Variants in KCP observed in about 807,000 individuals in gnomAD.
KCP encodes kielin/chordin-like protein.
Under a neutral mutation model 212.7 loss-of-function variants are expected in KCP, and 194 were observed. That is an observed-to-expected ratio of 0.91 (90% CI 0.81 to 1.03). The LOEUF (loss-of-function observed/expected upper bound fraction) is 1.03, where lower values mean the gene tolerates loss of function less well. Among genes scored for constraint, KCP ranks in the 50% least tolerant of loss-of-function variants. The probability of loss-of-function intolerance (pLI) is 0.00; values close to 1 mark genes in which losing one functional copy is unlikely to be tolerated. For missense variants in KCP, 2,080 were observed against 2,162.5 expected (o/e 0.96, Z 0.76); for synonymous variants, 833 against 865.3 (o/e 0.96, Z 0.65).
chr7:128,903,071 T>C (rs1445870874), intron 7 of KCP: 1 of 594,896 alleles, frequency 1.7e-6, no homozygotes, highest in Non-Finnish European at 3.0e-6. Context: ...TTTCTGGTCT[T>C]CCGTGGACAG....
At chr7:128,910,202 G>C (rs1795357244) in intron 1 of KCP, among the ~76,000 whole-genome samples, 1 of 152,182 alleles carries the variant, frequency 6.6e-6, no homozygotes, top group Admixed American at 6.5e-5. Context: ...AGCCTCCCCT[G>C]GCCCCGTGCC....
Position 128,892,710 on chromosome 7 carries a change from G to A in KCP, c.1505C>T (p.Pro502Leu). ...NGQNFTDADS[P>L]CHACHCQDGT... ...TACCTGACAGTGGCAGGCATGGCAA[G>A]GGCTGTCTGCATCCGTGAAGTTCTG... is the stretch of plus-strand genomic sequence containing the variant. Residue 502 changes from proline (P) to leucine (L), a missense_variant, in exon 15 of 40, where the codon CCT (proline) becomes CTT (leucine). Pro to Leu is a moderately conservative substitution (Grantham distance 98, BLOSUM62 -3). Transcript: ENST00000610776. 6.4e-7 allele frequency: 1 copy of A among 1,551,656 alleles called. No individual in the cohort carries two copies.
chr7:128,904,315 T>C lies in KCP; in HGVS notation c.572-177A>G, dbSNP rs559573175. 260 of 1,552,006 alleles carry C rather than the reference T, an allele frequency of 1.7e-4. No homozygotes were observed. In the East Asian group the frequency reaches 3.2e-3, roughly 19 times the overall value. On this transcript the variant is annotated intron_variant, in intron 5 of 39. Transcript: ENST00000610776. ...GGCAGATGGGGCAGCACTCCCCAGGTGGGGTGCAGCTCTCCAAGCAGTTGA... is the reference window on the plus strand; with the variant it reads ...GGCAGATGGGGCAGCACTCCCCAGGCGGGGTGCAGCTCTCCAAGCAGTTGA...
At chr7:128,899,225 G>T (rs778134333) in intron 8 of KCP, among the ~76,000 whole-genome samples, 1 of 152,074 alleles carries the variant, frequency 6.6e-6, no homozygotes, top group African/African-American at 2.4e-5. Flanking sequence ...AATTATAATT[G>T]TTATGTGAAA....
At chr7:128,903,695 G>A (rs2128950074) in intron 7 of KCP, 32 bp downstream of exon 7, 1 of 1,492,336 alleles carries the variant, frequency 6.7e-7, no homozygotes, top group South Asian at 1.3e-5. Context: ...ACCTACCTGT[G>A]GCTCTACCAG....
At chr7:128,890,303 C>T (rs575014804) in intron 21 of KCP, 40 bp downstream of exon 21, 386 of 1,551,466 alleles carry the variant, frequency 2.5e-4, no homozygotes, top group Non-Finnish European at 3.2e-4. Flanking sequence ...TCTGGTCTCC[C>T]GCATCCCACC....
At chr7:128,902,147 A>G (rs1038481865) in intron 8 of KCP, among the ~76,000 whole-genome samples, 1 of 152,178 alleles carries the variant, frequency 6.6e-6, no homozygotes, top group African/African-American at 2.4e-5. Flanking sequence ...CTCCTGCCTC[A>G]GCCTCCCAAG....
At chr7:128,897,931 A>G (rs1794625048) in intron 8 of KCP, among the ~76,000 whole-genome samples, 2 of 152,238 alleles carry the variant, frequency 1.3e-5, no homozygotes, top group South Asian at 4.1e-4. Context: ...GAAAGTCCCA[A>G]GCATATTGTA....
In KCP at chr7:128,886,476, G is replaced by C; in HGVS notation, c.2854C>G (p.Pro952Ala). 6.5e-7 allele frequency: 1 copy of C among 1,549,378 alleles called. No individual in the cohort carries two copies. Residue 952 changes from proline to alanine, a missense_variant, in exon 26 of 40, where the codon CCT becomes GCT. Coordinates refer to ENST00000610776, the MANE Select transcript of KCP (RefSeq NM_001366122.1). Reference protein sequence around the residue: ...LQVTERGSCCPRCRGCLAHGE... With the variant: ...LQVTERGSCCARCRGCLAHGE... The stretch of plus-strand genomic sequence containing the variant: ...CAGGCGGCCATACCTCTGCAGCGAG[G>C]GCAGCAGCTCCCCCGCTCGGTGACC...
chr7:128,897,095 T>C (rs1245855331), intron 8 of KCP, among the ~76,000 whole-genome samples: 3 of 152,070 alleles, frequency 2.0e-5, no homozygotes, highest in Admixed American at 6.6e-5. Context: ...CTGCAAAGTT[T>C]TGATTAATGG....
chr7:128,890,489 A>G lies in KCP; in HGVS notation c.2189T>C (p.Phe730Ser). ...CGATGGGAAGCGCTCCCCGCTGGCA[A>G]ACTCCTTCCCCTGGTACAGGCAGCC... Reference protein sequence around the residue: ...CDGCLYQGKEFASGERFPSPT... With the variant: ...CDGCLYQGKESASGERFPSPT... Residue 730 changes from phenylalanine to serine, a missense_variant, in exon 21 of 40, where the codon TTT becomes TCT. By Grantham distance (155) the Phe-to-Ser change is radical. Transcript: ENST00000610776. The G allele has an allele frequency of 6.5e-7, 1 of 1,549,962 alleles. No individual in the cohort carries two copies. The highest frequency in any genetic ancestry group is 8.7e-7 in the Non-Finnish European group (1 of 1,146,814).
At chr7:128,896,240 C>T (rs891666779) in intron 8 of KCP, among the ~76,000 whole-genome samples, 2 of 152,116 alleles carry the variant, frequency 1.3e-5, no homozygotes, top group South Asian at 2.1e-4. Context: ...AAGTGGGGTG[C>T]ATATACCCGG....
intron 37 of KCP, 35 bp downstream of exon 37, chr7:128,879,487 C>A: frequency 6.6e-7 from 1 of 1,524,674 alleles, no homozygotes. Context: ...AAGCTCCCAG[C>A]AGGCAGCCCA....
At chr7:128,880,140 G>A (rs925257353) in intron 34 of KCP, 55 bp from the exon 35 acceptor site, 41 of 1,459,174 alleles carry the variant, frequency 2.8e-5, no homozygotes, top group Non-Finnish European at 3.4e-5. Context: ...CATGCCTCTC[G>A]CAGACCCTCC....
chr7:128,907,007 C>T (rs2128950744), intron 4 of KCP, 94 bp downstream of exon 4: 1 of 1,213,078 alleles, frequency 8.2e-7, no homozygotes, highest in East Asian at 2.6e-5. Context: ...AGGCAGAGCC[C>T]ATTATGCGAC....
chr7:128,877,457 A>C (rs1793061671), intron 39 of KCP, 27 bp downstream of exon 39: 1 of 1,549,002 alleles, frequency 6.5e-7, no homozygotes, highest in Non-Finnish European at 8.7e-7. Flanking sequence ...AGCCTCCCCC[A>C]ACCTGCAGCG....
At chr7:128,898,292 G>A (rs188459926) in intron 8 of KCP, among the ~76,000 whole-genome samples, 2 of 152,312 alleles carry the variant, frequency 1.3e-5, no homozygotes, top group East Asian at 3.9e-4. Context: ...CTGACCTCAA[G>A]TGATCTGCCC....
Position 128,880,101 on chromosome 7 carries a change from G to C in KCP, c.3760-16C>G. The C allele has an allele frequency of 6.6e-7, 1 of 1,505,424 alleles. No individual in the cohort carries two copies. The highest frequency in any genetic ancestry group is 1.4e-5 in the African/African-American group (1 of 72,402). 93.3% of individuals were successfully genotyped at this position (1,505,424 alleles called of 1,614,324 possible). ...GGGCCTTGTCCTGCACTCAGCCCCAGACACTGTCAGACACACCGCCCTCCC... is the reference window on the plus strand; with the variant it reads ...GGGCCTTGTCCTGCACTCAGCCCCACACACTGTCAGACACACCGCCCTCCC... On this transcript the variant is annotated splice_polypyrimidine_tract_variant and intron_variant, in intron 34 of 39. Coordinates refer to ENST00000610776, the MANE Select transcript of KCP (RefSeq NM_001366122.1).
chr7:128,890,146 C>T, intron 21 of KCP, 197 bp downstream of exon 21: 2 of 977,512 alleles, frequency 2.0e-6, no homozygotes. Flanking sequence ...TCTTGAACTC[C>T]TGGGCTCAAG....
Sources: allele counts gnomAD v4.1 joint callset (sites outside exome capture counted in the v4.1 genomes callset), GRCh38; gene constraint gnomAD v4.1.1; transcripts MANE v1.5; gene names NCBI Gene and HGNC (gene_info 2026-07-23, HGNC 2026-07-21).